The following NTN1 variants were observed in gnomAD, a reference collection of about 807,000 sequenced individuals.
NTN1 encodes netrin-1.
NTN1 carries 11 observed loss-of-function variants against 54.2 expected under a neutral mutation model. The observed-to-expected ratio is 0.20, with a 90% CI of 0.13 to 0.34. The LOEUF (loss-of-function observed/expected upper bound fraction) is 0.34, where lower values mean the gene tolerates loss of function less well. Among genes scored for constraint, NTN1 ranks in the 10% least tolerant of loss-of-function variants. NTN1 has a pLI of 1.00. For synonymous variants in NTN1, 371 were observed against 382.0 expected (o/e 0.97, Z 0.33); for missense variants, 740 against 893.1 (o/e 0.83, Z 2.18).
intron 5 of NTN1, among the ~76,000 whole-genome samples, chr17:9,215,880 G>T (rs183814675): frequency 6.6e-6 from 1 of 152,130 alleles, no homozygotes; most frequent in Non-Finnish European, 1.5e-5. Context: ...TCTAAATTTT[G>T]TAAGAGTTTC....
intron 2 of NTN1, among the ~76,000 whole-genome samples, chr17:9,055,739 T>C (rs1355403948): frequency 6.6e-6 from 1 of 152,140 alleles, no homozygotes; most frequent in Non-Finnish European, 1.5e-5. Context: ...TTTATTTTTT[T>C]GAGACAGGGT....
the NTN1 span, among the ~76,000 whole-genome samples, chr17:9,008,591 G>A: frequency 5.3e-5 from 8 of 152,166 alleles, no homozygotes; most frequent in Non-Finnish European, 1.0e-4. Flanking sequence ...CCAAAGTGCT[G>A]GGATTACAGG....
chr17:9,167,327 A>G (rs549272535), intron 3 of NTN1, among the ~76,000 whole-genome samples: 1 of 152,322 alleles, frequency 6.6e-6, no homozygotes, highest in East Asian at 1.9e-4. Flanking sequence ...GCGGGCAAAG[A>G]CGACCAAAGA....
intron 6 of NTN1, among the ~76,000 whole-genome samples, chr17:9,237,642 G>T (rs1326160367): frequency 6.6e-6 from 1 of 152,154 alleles, no homozygotes; most frequent in African/African-American, 2.4e-5. Flanking sequence ...CTGTACAAGG[G>T]GTCCGAGGTG....
chr17:9,126,465 G>A (rs951403511), intron 2 of NTN1, among the ~76,000 whole-genome samples: 5 of 35,706 alleles, frequency 1.4e-4, no homozygotes, highest in South Asian at 2.7e-3. Context: ...AGCCGAGATC[G>A]TGCCATTGCA....
At chr17:9,130,414 C>T (rs941623282) in intron 2 of NTN1, among the ~76,000 whole-genome samples, 17 of 152,092 alleles carry the variant, frequency 1.1e-4, no homozygotes, top group Admixed American at 9.8e-4. Context: ...TTCCTGAGTA[C>T]TGGGGGAGGT....
intron 2 of NTN1, among the ~76,000 whole-genome samples, chr17:9,127,764 C>T (rs541886577): frequency 2.6e-5 from 4 of 152,180 alleles, no homozygotes; most frequent in East Asian, 1.9e-4. Context: ...CAGACATGAG[C>T]GGCTTGGGTT....
chr17:9,047,159 A>G (rs1056648638), intron 2 of NTN1, among the ~76,000 whole-genome samples: 1 of 152,190 alleles, frequency 6.6e-6, no homozygotes, highest in East Asian at 1.9e-4. Context: ...CTCGCTGTTG[A>G]TGGCTACTGA....
At chr17:9,201,887 G>A (rs1904794003) in intron 5 of NTN1, among the ~76,000 whole-genome samples, 1 of 151,656 alleles carries the variant, frequency 6.6e-6, no homozygotes, top group Non-Finnish European at 1.5e-5. Context: ...AGAAGAGATG[G>A]TTAAGAAATA....
chr17:9,047,763 C>T (rs186686330), intron 2 of NTN1, among the ~76,000 whole-genome samples: 89 of 151,222 alleles, frequency 5.9e-4, no homozygotes, highest in Non-Finnish European at 1.0e-3. Context: ...GGCGCGATCT[C>T]GGCTCACTGC....
chr17:9,160,406 G>A (rs1439387932), intron 2 of NTN1, among the ~76,000 whole-genome samples: 2 of 151,766 alleles, frequency 1.3e-5, no homozygotes, highest in Non-Finnish European at 2.9e-5. Context: ...TGCCCAGCCC[G>A]GACATCTTTT....
rs546157104 is a variant in NTN1 at position 9,200,713 on chromosome 17, A to G, written c.1411+17744A>G. 9.5e-4 allele frequency among the ~76,000 whole-genome samples: 145 copies of G among 152,348 alleles called. 1 individual carries two copies. Among genetic ancestry groups the G allele is most frequent in the Non-Finnish European group, 1.7e-3 (115 of 68,032 alleles). ...TTATTCATTTTCTCTTCATTCATTCATCACTGACACATTTACCAAGAGCCT... is the reference window on the plus strand; with the variant it reads ...TTATTCATTTTCTCTTCATTCATTCGTCACTGACACATTTACCAAGAGCCT... On this transcript the variant is annotated intron_variant, in intron 5 of 6. Transcript: ENST00000173229.
At chr17:9,175,590 C>T (rs999867305) in intron 3 of NTN1, 1 of 152,230 alleles carries the variant, frequency 6.6e-6, no homozygotes, top group African/African-American at 2.4e-5. Context: ...AGACCTCTGT[C>T]CTTACAGGTG....
rs1229636077 is a variant in NTN1, at chr17:9,177,548, T to A, written c.1208-2259T>A. 2.0e-5 allele frequency: 3 copies of A among 152,256 alleles called. No homozygotes were observed. The East Asian group carries it at 5.8e-4, about 29-fold the overall frequency. The allele number at this position is 152,256 out of a possible 1,614,324, so 9.4% of individuals were successfully genotyped here. ...GCTCGGAGGGGAGAATGTCTTGGCA[T>A]GAATCTTAGGATTACCAGCTGGCTA... is the stretch of plus-strand genomic sequence containing the variant. On this transcript the variant is annotated intron_variant, in intron 3 of 6. Transcript: ENST00000173229.
At chr17:9,163,482 A>G (rs1170871992) in intron 3 of NTN1, among the ~76,000 whole-genome samples, 2 of 8,950 alleles carry the variant, frequency 2.2e-4, no homozygotes, top group South Asian at 2.1e-3. Context: ...CCCGAAACAC[A>G]CACACACACA....
At chr17:9,166,743 G>A (rs571700387) in intron 3 of NTN1, among the ~76,000 whole-genome samples, 4 of 152,290 alleles carry the variant, frequency 2.6e-5, no homozygotes, top group African/African-American at 9.6e-5. Flanking sequence ...TTTCACAGGG[G>A]AACAGGGACA....
At chr17:9,027,551 G>C (rs1031720981) in intron 2 of NTN1, among the ~76,000 whole-genome samples, 2 of 152,144 alleles carry the variant, frequency 1.3e-5, no homozygotes, top group African/African-American at 4.8e-5. Flanking sequence ...TGAATGAATG[G>C]CAGTGATATA....
intron 2 of NTN1, among the ~76,000 whole-genome samples, chr17:9,080,455 A>G (rs916774045): frequency 6.6e-6 from 1 of 152,246 alleles, no homozygotes; most frequent in African/African-American, 2.4e-5. Context: ...CAGTAGTGTT[A>G]TCTCTAACTT....
intron 5 of NTN1, among the ~76,000 whole-genome samples, chr17:9,201,089 T>C (rs952131505): frequency 1.3e-5 from 2 of 152,190 alleles, no homozygotes; most frequent in Admixed American, 1.3e-4. Context: ...CTTGAGTTCC[T>C]CTAGCAAAAA....
Sources: gnomAD v4.1 joint callset for allele counts (sites outside exome capture counted in the v4.1 genomes callset) on GRCh38, gnomAD v4.1.1 for gene constraint, MANE v1.5 for transcripts, NCBI Gene and HGNC (gene_info 2026-07-23, HGNC 2026-07-21) for gene names.